Variants in CYLD observed in about 807,000 individuals in gnomAD.
CYLD encodes ubiquitin carboxyl-terminal hydrolase CYLD.
A neutral mutation model predicts 104.5 loss-of-function variants in CYLD; 26 were observed. The observed-to-expected ratio is 0.25, with a 90% CI of 0.18 to 0.35. The LOEUF (loss-of-function observed/expected upper bound fraction) is 0.35. CYLD is among the 10% of genes least tolerant of loss of function. The pLI is 1.00. For missense variants in CYLD, 703 were observed against 1,136.1 expected (o/e 0.62, Z 5.48); for synonymous variants, 385 against 399.9 (o/e 0.96, Z 0.45).
At chr16:50,765,316 T>C (rs1285012368) in intron 5 of CYLD, among the ~76,000 whole-genome samples, 1 of 152,186 alleles carries the variant, frequency 6.6e-6, no homozygotes, top group Non-Finnish European at 1.5e-5. Flanking sequence ...TAATCAATGA[T>C]CTTTGAGGTG....
In CYLD at chr16:50,742,783, G is replaced by A. The variant is rs1965821593; in HGVS notation, c.-182G>A. On this transcript the variant is annotated 5_prime_UTR_variant, in exon 2 of 19. Coordinates refer to ENST00000427738, the MANE Select transcript of CYLD (RefSeq NM_001378743.1). Reference sequence around the variant, plus strand: ...TCAGTTTCCCCCTTTCTAGGGTGAGGATGGTTCTACACAGCCACCCGGAGT... The same window carrying A: ...TCAGTTTCCCCCTTTCTAGGGTGAGAATGGTTCTACACAGCCACCCGGAGT... The A allele has an allele frequency of 5.0e-6, 2 of 398,370 alleles. No individual in the cohort carries two copies. Among genetic ancestry groups the A allele is most frequent in the African/African-American group, 4.1e-5 (2 of 48,526 alleles). The allele number at this position is 398,370 out of a possible 1,614,324, so 24.7% of individuals were successfully genotyped here. A position where few individuals can be genotyped will look rare whatever the true frequency, so the allele number is the denominator to read the frequency against.
In CYLD at chr16:50,749,798, C is replaced by A. The variant is rs538206791; in HGVS notation, c.100C>A (p.Gln34Lys). 1 of 1,613,956 alleles carries A rather than the reference C, an allele frequency of 6.2e-7. No individual in the cohort carries two copies. The highest frequency in any genetic ancestry group is 8.5e-7 in the Non-Finnish European group (1 of 1,179,970). ...TCAAGAATGCAGCGTTACAGACAAA[C>A]AAACACAAAAGCTCCTTAAAGTACC... is the stretch of plus-strand genomic sequence containing the variant. The part of the protein sequence containing the change: ...LLQECSVTDK[Q>K]TQKLLKVPKG... Residue 34 changes from glutamine (Q) to lysine (K), a missense_variant, in exon 3 of 19, where the codon CAA becomes AAA. Physicochemically the swap from Gln to Lys is moderately conservative, Grantham distance 53. Transcript: ENST00000427738.
At chr16:50,793,045 A>G (rs1473112515) in intron 16 of CYLD, among the ~76,000 whole-genome samples, 1 of 152,076 alleles carries the variant, frequency 6.6e-6, no homozygotes, top group South Asian at 2.1e-4. Flanking sequence ...ACCAATGTGT[A>G]TGAAATGGTC....
intron 2 of CYLD, among the ~76,000 whole-genome samples, chr16:50,743,879 T>G (rs1965944706): frequency 6.6e-6 from 1 of 152,274 alleles, no homozygotes; most frequent in South Asian, 2.1e-4. Context: ...AGAGAATTAC[T>G]GAAGTTTTAG....
rs1454896122 is a variant in CYLD at position 50,800,157 on chromosome 16, C to G, written c.*3649C>G. 1 of 232,780 alleles carries G rather than the reference C, an allele frequency of 4.3e-6. No individual in the cohort carries two copies. The highest frequency in any genetic ancestry group is 2.2e-5 in the African/African-American group (1 of 45,282). The allele number at this position is 232,780 out of a possible 1,614,324, so 14.4% of individuals were successfully genotyped here. On this transcript the variant is annotated 3_prime_UTR_variant, in exon 19 of 19. Transcript: ENST00000427738. ...ACCTCTTGAGCTTTAGTTTCCTCCTCTGCATAATGAGAGGGTTAGACTACT... is the reference window on the plus strand; with the variant it reads ...ACCTCTTGAGCTTTAGTTTCCTCCTGTGCATAATGAGAGGGTTAGACTACT...
At chr16:50,756,170 C>T (rs1217393828) in intron 5 of CYLD, among the ~76,000 whole-genome samples, 1 of 152,140 alleles carries the variant, frequency 6.6e-6, no homozygotes, top group Admixed American at 6.5e-5. Context: ...TGTTTCCAGA[C>T]GTATATGAGT....
chr16:50,748,730 A>G (rs1966399395), intron 2 of CYLD, among the ~76,000 whole-genome samples: 1 of 152,210 alleles, frequency 6.6e-6, no homozygotes, highest in Non-Finnish European at 1.5e-5. Flanking sequence ...GCGATTTGAG[A>G]AATCAGATAA....
At position 50,797,671 on chromosome 16, in the gene CYLD, A is replaced by T; in HGVS notation, c.*1163A>T. 1 of 232,874 alleles carries T rather than the reference A, an allele frequency of 4.3e-6. No individual in the cohort carries two copies. Among genetic ancestry groups the T allele is most frequent in the Non-Finnish European group, 8.5e-6 (1 of 117,778 alleles). 14.4% of individuals were successfully genotyped at this position (232,874 alleles called of 1,614,324 possible). Reference sequence around the variant, plus strand: ...AGTGCTGTGGAATGTGCATTCTCTGAGTGTTGTTTTGTGGTATCATTGTCT... The same window carrying T: ...AGTGCTGTGGAATGTGCATTCTCTGTGTGTTGTTTTGTGGTATCATTGTCT... On this transcript the variant is annotated 3_prime_UTR_variant, in exon 19 of 19. Coordinates refer to ENST00000427738, the MANE Select transcript of CYLD (RefSeq NM_001378743.1).
intron 3 of CYLD, among the ~76,000 whole-genome samples, chr16:50,751,204 A>G (rs1966586955): frequency 6.6e-6 from 1 of 152,240 alleles, no homozygotes; most frequent in Non-Finnish European, 1.5e-5. Context: ...TTAATAGTAC[A>G]TGACTTGTAG....
intron 5 of CYLD, among the ~76,000 whole-genome samples, chr16:50,771,164 C>T (rs562224554): frequency 2.7e-5 from 4 of 150,254 alleles, no homozygotes; most frequent in South Asian, 2.1e-4. Flanking sequence ...GCAGTTACTT[C>T]CCATTGTCTC....
intron 7 of CYLD, among the ~76,000 whole-genome samples, chr16:50,776,813 C>A (rs1432419881): frequency 1.3e-5 from 2 of 152,118 alleles, no homozygotes; most frequent in East Asian, 3.8e-4. Flanking sequence ...CCAAAGAGCT[C>A]ATTAAAAAGG....
At chr16:50,768,083 A>G (rs921943600) in intron 5 of CYLD, among the ~76,000 whole-genome samples, 3 of 152,110 alleles carry the variant, frequency 2.0e-5, no homozygotes, top group Admixed American at 6.5e-5. Flanking sequence ...CATTGTCATT[A>G]TTGCTGGCTC....
In CYLD at chr16:50,793,031, G is replaced by A. The variant is rs75157714; in HGVS notation, c.2350+326G>A. The stretch of plus-strand genomic sequence containing the variant: ...TACTGCCATTAAAATTCATGGTTTT[G>A]AAGACCAATGTGTATGAAATGGTCA... On this transcript the variant is annotated intron_variant, in intron 16 of 18. Transcript: ENST00000427738. Among the ~76,000 whole-genome samples the A allele has an allele frequency of 0.017, 2,570 of 152,038 alleles. 39 individuals carry two copies. Among genetic ancestry groups the A allele is most frequent in the Non-Finnish European group, 0.024 (1,622 of 67,974 alleles).
intron 5 of CYLD, among the ~76,000 whole-genome samples, chr16:50,770,541 C>T (rs1969034378): frequency 6.6e-6 from 1 of 151,518 alleles, no homozygotes; most frequent in Non-Finnish European, 1.5e-5. Flanking sequence ...ACCTCCACCT[C>T]CTGGGTTCAA....
intron 8 of CYLD, among the ~76,000 whole-genome samples, 166 bp from the exon 9 acceptor site, chr16:50,779,499 G>C (rs1970005466): frequency 6.6e-6 from 1 of 152,108 alleles, no homozygotes; most frequent in South Asian, 2.1e-4. Context: ...GGAGAGAGGA[G>C]CGAGAACACT....
At position 50,800,587 on chromosome 16, in the gene CYLD, ATT is replaced by A. The variant is rs1972386680; in HGVS notation, c.*4081_*4082del. ...TGGATATTTTCTTCCCCTTTTATTT[ATT>A]TAGAGGAAATTGAGATTCTAGGAGC... On this transcript the variant is annotated 3_prime_UTR_variant, in exon 19 of 19. Coordinates refer to ENST00000427738, the MANE Select transcript of CYLD (RefSeq NM_001378743.1). 4.3e-6 allele frequency: 1 copy of A among 232,632 alleles called. No homozygotes were observed. The highest frequency in any genetic ancestry group is 2.2e-5 in the African/African-American group (1 of 45,308). The allele number at this position is 232,632 out of a possible 1,614,324, so 14.4% of individuals were successfully genotyped here. A position where few individuals can be genotyped will look rare whatever the true frequency, so the allele number is the denominator to read the frequency against.
chr16:50,774,697 T>C (rs56023542), intron 5 of CYLD, among the ~76,000 whole-genome samples: 5,298 of 152,236 alleles, frequency 0.035, 297 homozygotes, highest in African/African-American at 0.12. Flanking sequence ...ATTAGGATGG[T>C]GCAAGATTTC....
At chr16:50,777,580 CTTTT>C in intron 7 of CYLD, among the ~76,000 whole-genome samples, 1 of 152,018 alleles carries the variant, frequency 6.6e-6, no homozygotes, top group East Asian at 1.9e-4. Context: ...GTGGGCTTTT[CTTTT>C]AACTTACTCC....
In CYLD at chr16:50,801,901, A is replaced by C. The variant is rs1179388713; in HGVS notation, c.*5393A>C. 1 of 230,198 alleles carries C rather than the reference A, an allele frequency of 4.3e-6. No homozygotes were observed. The highest frequency in any genetic ancestry group is 8.6e-6 in the Non-Finnish European group (1 of 116,016). The allele number at this position is 230,198 out of a possible 1,614,324, so 14.3% of individuals were successfully genotyped here. A position where few individuals can be genotyped will look rare whatever the true frequency, so the allele number is the denominator to read the frequency against. On this transcript the variant is annotated 3_prime_UTR_variant, in exon 19 of 19. Transcript: ENST00000427738. Reference sequence around the variant, plus strand: ...CTGTGGAAAGAAATGTACATATACTATTTCTGTATCATTAAAATTACATTT... The same window carrying C: ...CTGTGGAAAGAAATGTACATATACTCTTTCTGTATCATTAAAATTACATTT...
Sources: allele counts gnomAD v4.1 joint callset (sites outside exome capture counted in the v4.1 genomes callset), GRCh38; gene constraint gnomAD v4.1.1; transcripts MANE v1.5; gene names NCBI Gene and HGNC (gene_info 2026-07-23, HGNC 2026-07-21).